Variants in PIWIL1 observed in about 807,000 individuals in gnomAD.
The protein encoded by PIWIL1 is piwi-like protein 1.
In PIWIL1, 73 loss-of-function variants were observed where a neutral mutation model predicts 114.4. The ratio of observed to expected loss-of-function variants is 0.64; its 90% CI spans 0.53 to 0.78. PIWIL1 has a LOEUF of 0.78. PIWIL1 is among the 30% of genes least tolerant of loss of function. The pLI, the probability that PIWIL1 is intolerant of heterozygous loss-of-function variation, is 0.00. For synonymous variants in PIWIL1, 375 were observed against 369.0 expected (o/e 1.02, Z -0.19); for missense variants, 723 against 1,063.1 (o/e 0.68, Z 4.45).
At chr12:130,401,365 C>T in the PIWIL1 span, among the ~76,000 whole-genome samples, 1 of 152,274 alleles carries the variant, frequency 6.6e-6, no homozygotes, top group South Asian at 2.1e-4. Context: ...ATCCACCCGC[C>T]TCAGCCTTCC....
At chr12:130,350,933 A>C (rs1265687750) in intron 9 of PIWIL1, 1 of 152,050 alleles carries the variant, frequency 6.6e-6, no homozygotes, top group Non-Finnish European at 1.5e-5. Flanking sequence ...CTACGGAGGG[A>C]GGGATTCTAT....
At chr12:130,361,118 C>A in intron 14 of PIWIL1, 62 bp from the exon 15 acceptor site, 1 of 1,474,712 alleles carries the variant, frequency 6.8e-7, no homozygotes, top group South Asian at 1.2e-5. Context: ...GTTTCCTGTC[C>A]TCTCCCTTGC....
chr12:130,399,937 C>T, the PIWIL1 span: 2 of 1,136,462 alleles, frequency 1.8e-6, no homozygotes. Context: ...TCAAAAGTGG[C>T]AGGACTTGAA....
rs145330850 is a variant in PIWIL1 at position 130,361,305 on chromosome 12, C to G, written c.1791C>G (p.Val597=). 3 of 1,614,176 alleles carry G rather than the reference C, an allele frequency of 1.9e-6. No homozygotes were observed. Among genetic ancestry groups the G allele is most frequent in the African/African-American group, 2.7e-5 (2 of 75,032 alleles). Residue 597 remains valine, a synonymous_variant, in exon 15 of 21, where the codon GTC becomes GTG. Coordinates refer to ENST00000245255, the MANE Select transcript of PIWIL1 (RefSeq NM_004764.5). ...VARTLGKQQT[V]MAIATKIALQ... is the part of the protein sequence containing the mutation. ...GAACCTTAGGCAAACAGCAAACTGT[C>G]ATGGCCATTGCTACAAAGATTGCCC...
At chr12:130,377,628 G>A (rs1177316813), downstream of PIWIL1, among the ~76,000 whole-genome samples, 1 of 152,198 alleles carries the variant, frequency 6.6e-6, no homozygotes, top group Non-Finnish European at 1.5e-5. Context: ...TTTTCTTCAT[G>A]GGTGCCTGGA....
At chr12:130,397,594 CAACAGA>C in the PIWIL1 span, 1 of 398,672 alleles carries the variant, frequency 2.5e-6, no homozygotes, top group Non-Finnish European at 4.4e-6. Context: ...TGAGCGCCAA[CAACAGA>C]ATTCACTTGG....
chr12:130,380,916 C>A, the PIWIL1 span, among the ~76,000 whole-genome samples: 3 of 152,312 alleles, frequency 2.0e-5, no homozygotes, highest in Admixed American at 2.0e-4. Flanking sequence ...AACTAAGAAG[C>A]AAGTCCAATG....
chr12:130,406,731 C>G, the PIWIL1 span, among the ~76,000 whole-genome samples: 2 of 152,290 alleles, frequency 1.3e-5, no homozygotes, highest in East Asian at 3.9e-4. Context: ...ACTGCAACCT[C>G]TGCCTCTCGG....
intron 19 of PIWIL1, among the ~76,000 whole-genome samples, chr12:130,367,684 G>A (rs1302546672): frequency 6.6e-6 from 1 of 152,178 alleles, no homozygotes; most frequent in Non-Finnish European, 1.5e-5. Context: ...CTTCTGAGCC[G>A]AGCTGCACTC....
chr12:130,406,760 C>T, the PIWIL1 span, among the ~76,000 whole-genome samples: 5 of 152,210 alleles, frequency 3.3e-5, no homozygotes, highest in Admixed American at 2.6e-4. Flanking sequence ...AATTGTTCTG[C>T]CTCAGCCTCC....
At chr12:130,351,584 T>C (rs1432303104) in intron 9 of PIWIL1, 4 of 152,204 alleles carry the variant, frequency 2.6e-5, no homozygotes, top group African/African-American at 7.2e-5. Flanking sequence ...ATAAGGTAAC[T>C]TGGACAGAGG....
chr12:130,369,716 C>T (rs2073767985), intron 19 of PIWIL1, among the ~76,000 whole-genome samples: 1 of 151,942 alleles, frequency 6.6e-6, no homozygotes, highest in Non-Finnish European at 1.5e-5. Flanking sequence ...TGTTCTTGCC[C>T]TTTGCCCACT....
chr12:130,419,574 C>T, the PIWIL1 span: 1 of 152,178 alleles, frequency 6.6e-6, no homozygotes, highest in Non-Finnish European at 1.5e-5. The surrounding 1 kb of genome is among the most constrained non-coding windows in gnomAD (Gnocchi z 4.3). Flanking sequence ...GAAAAGAGCT[C>T]CCCTTTTTAA....
the PIWIL1 span, among the ~76,000 whole-genome samples, chr12:130,409,531 A>G: frequency 6.6e-6 from 1 of 151,792 alleles, no homozygotes; most frequent in East Asian, 1.9e-4. Flanking sequence ...TTTTTTGTAT[A>G]GACGGGGTTT....
the PIWIL1 span, among the ~76,000 whole-genome samples, chr12:130,382,567 T>G: frequency 6.6e-6 from 1 of 152,236 alleles, no homozygotes; most frequent in African/African-American, 2.4e-5. Flanking sequence ...CCCCATTCTC[T>G]CCATTTGCAA....
chr12:130,399,534 C>T, the PIWIL1 span: 3 of 833,952 alleles, frequency 3.6e-6, no homozygotes, highest in Non-Finnish European at 5.5e-6. Context: ...AGGTACAACT[C>T]CCATGGCTTC....
the PIWIL1 span, among the ~76,000 whole-genome samples, chr12:130,380,588 G>T: frequency 6.6e-6 from 1 of 152,144 alleles, no homozygotes; most frequent in Non-Finnish European, 1.5e-5. Context: ...TACATTTAAG[G>T]ATGACACCGT....
At chr12:130,398,102 G>A in the PIWIL1 span, 1 of 152,514 alleles carries the variant, frequency 6.6e-6, no homozygotes, top group Non-Finnish European at 1.5e-5. Context: ...AAGGCCCTTA[G>A]TGGATGCTTG....
At position 130,371,288 on chromosome 12, in the gene PIWIL1, A is replaced by T; in HGVS notation, c.2434A>T (p.Thr812Ser). 6.2e-7 allele frequency: 1 copy of T among 1,614,138 alleles called. No individual in the cohort carries two copies. Residue 812 changes from threonine (T) to serine (S), a missense_variant, in exon 20 of 21, where the codon ACC (threonine) becomes TCC (serine). Around this residue, in one of 8 missense-constraint regions of PIWIL1, gnomAD observed 106 missense variants for 182.8 expected, o/e 0.58. Coordinates refer to ENST00000245255, the MANE Select transcript of PIWIL1 (RefSeq NM_004764.5). ...GLKPDHIQRLTYKLCHIYYNW... is the reference protein window; with the variant it reads ...GLKPDHIQRLSYKLCHIYYNW... The stretch of plus-strand genomic sequence containing the variant: ...GAAGCCAGACCACATACAGCGCTTG[A>T]CCTACAAGCTGTGCCACATCTATTA...
Sources: gnomAD v4.1 joint callset for allele counts (sites outside exome capture counted in the v4.1 genomes callset) on GRCh38, gnomAD v4.1.1 for gene constraint, gnomAD v4.1.1 regional missense constraint, Gnocchi (gnomAD v3.1) non-coding constraint, MANE v1.5 for transcripts, NCBI Gene and HGNC (gene_info 2026-07-23, HGNC 2026-07-21) for gene names.